Variants in MGMT observed in about 807,000 individuals in gnomAD.
MGMT encodes the protein methylated-DNA--protein-cysteine methyltransferase.
In MGMT, 14 loss-of-function variants were observed where a neutral mutation model predicts 15.9. The observed-to-expected ratio is 0.88, with a 90% CI of 0.58 to 1.37. The LOEUF is 1.37. MGMT is among the 40% of genes most tolerant of loss of function. The pLI is 0.00. For missense variants in MGMT, 282 were observed against 268.1 expected, an observed-to-expected ratio of 1.05 and a Z score of -0.36; for synonymous variants, 130 against 118.2, an observed-to-expected ratio of 1.10 and a Z score of -0.65.
chr10:129,648,612 T>G (rs573067768), intron 2 of MGMT, among the ~76,000 whole-genome samples: 1 of 152,334 alleles, frequency 6.6e-6, no homozygotes, highest in Non-Finnish European at 1.5e-5. Flanking sequence ...TAACATTGAT[T>G]TCTAAAAGAA....
Position 129,533,988 on chromosome 10 carries a change from G to A in MGMT, c.-12-2253G>A, listed in dbSNP as rs139647251. ...GAGGTGAAGGGGGTTGGGCTAAAATGTTGATCATGGTGGGAACAGTAGTGA... is the reference window on the plus strand; with the variant it reads ...GAGGTGAAGGGGGTTGGGCTAAAATATTGATCATGGTGGGAACAGTAGTGA... On this transcript the variant is annotated intron_variant, in intron 1 of 4. Transcript: ENST00000651593. The surrounding 1 kb of genome is among the most constrained non-coding windows in gnomAD (Gnocchi z 4.5). Among the ~76,000 whole-genome samples the A allele has an allele frequency of 1.6e-3, 244 of 152,316 alleles. 1 individual carries two copies. Among genetic ancestry groups the A allele is most frequent in the African/African-American group, 5.5e-3 (230 of 41,578 alleles).
intron 1 of MGMT, among the ~76,000 whole-genome samples, chr10:129,524,070 G>A (rs1845842802): frequency 6.6e-6 from 1 of 152,192 alleles, no homozygotes; most frequent in Non-Finnish European, 1.5e-5. Context: ...TACCTACTGT[G>A]TCCTGATGAC....
chr10:129,717,006 G>A (rs190713360), intron 3 of MGMT, among the ~76,000 whole-genome samples: 5 of 152,322 alleles, frequency 3.3e-5, no homozygotes, highest in Non-Finnish European at 2.9e-5. Context: ...CAGCTGTGCC[G>A]CTCCACTCTC....
At chr10:129,552,054 A>T (rs1173660018) in intron 2 of MGMT, among the ~76,000 whole-genome samples, 1 of 152,228 alleles carries the variant, frequency 6.6e-6, no homozygotes, top group African/African-American at 2.4e-5. Context: ...ACCAAAGGAC[A>T]GCTCTCCTCT....
intron 2 of MGMT, among the ~76,000 whole-genome samples, chr10:129,688,095 C>G (rs1381880144): frequency 6.6e-6 from 1 of 152,166 alleles, no homozygotes; most frequent in African/African-American, 2.4e-5. Context: ...TCCAGTCTAT[C>G]ATGGATGGAC....
chr10:129,527,712 C>T (rs1030175903), intron 1 of MGMT, among the ~76,000 whole-genome samples: 26 of 152,246 alleles, frequency 1.7e-4, no homozygotes, highest in South Asian at 4.2e-4. Context: ...GACGCCTCTC[C>T]CTGTCCCCAC....
intron 4 of MGMT, among the ~76,000 whole-genome samples, chr10:129,766,553 AG>A (rs1307176819): frequency 6.6e-6 from 1 of 152,198 alleles, no homozygotes; most frequent in Non-Finnish European, 1.5e-5. Flanking sequence ...ACGTCACCTC[AG>A]GACACTCGTC....
chr10:129,578,794 C>T (rs1846518646), intron 2 of MGMT, among the ~76,000 whole-genome samples: 1 of 152,128 alleles, frequency 6.6e-6, no homozygotes, highest in African/African-American at 2.4e-5. Flanking sequence ...TTTTTCCTTC[C>T]TTACCGCTAC....
rs375275755 is a variant in MGMT, at chr10:129,655,099, G to T, written c.126-52796G>T. On this transcript the variant is annotated intron_variant, in intron 2 of 4. Coordinates refer to ENST00000651593, the MANE Select transcript of MGMT (RefSeq NM_002412.5). ...ACTACCGAGGTGCTCCTGGTTTAAG[G>T]ACGTTTGTGCACCCACCCGGAGGTA... Among the ~76,000 whole-genome samples, 37 of 152,322 alleles carry T rather than the reference G, an allele frequency of 2.4e-4. 1 individual carries two copies. The highest frequency in any genetic ancestry group is 2.3e-3 in the South Asian group (11 of 4,830).
At chr10:129,607,317 C>T (rs556757851) in intron 2 of MGMT, among the ~76,000 whole-genome samples, 13 of 151,720 alleles carry the variant, frequency 8.6e-5, no homozygotes, top group Non-Finnish European at 1.8e-4. Flanking sequence ...GATGGATTGT[C>T]GGATAACATT....
At chr10:129,472,302 C>T (rs1226671743) in intron 1 of MGMT, among the ~76,000 whole-genome samples, 2 of 151,902 alleles carry the variant, frequency 1.3e-5, no homozygotes, top group Non-Finnish European at 2.9e-5. Context: ...TGGGTGGGGA[C>T]GATTATGCTT....
chr10:129,536,153 T>C, intron 1 of MGMT, 88 bp from the exon 2 acceptor site: 2 of 1,404,280 alleles, frequency 1.4e-6, no homozygotes, highest in Admixed American at 2.2e-5. Context: ...ATATTTTGTG[T>C]CTTAAATAAC....
chr10:129,478,157 A>G (rs1711661), intron 1 of MGMT, among the ~76,000 whole-genome samples: 152,018 of 152,220 alleles, frequency 1, 75,909 homozygotes, highest in Middle Eastern at 1. Flanking sequence ...AGGAGAGACC[A>G]GCTCAAATGC....
chr10:129,715,584 A>G (rs2133149306), intron 3 of MGMT: 1 of 152,362 alleles, frequency 6.6e-6, no homozygotes, highest in East Asian at 1.9e-4. Context: ...GTCGTCATAA[A>G]TGCACATTCA....
chr10:129,589,748 T>G (rs1846660175), intron 2 of MGMT, among the ~76,000 whole-genome samples: 1 of 152,178 alleles, frequency 6.6e-6, no homozygotes, highest in South Asian at 2.1e-4. Context: ...AGTTGCTACT[T>G]ACAAATCCAG....
At chr10:129,577,645 A>G (rs1327522776) in intron 2 of MGMT, among the ~76,000 whole-genome samples, 5 of 152,228 alleles carry the variant, frequency 3.3e-5, no homozygotes, top group Non-Finnish European at 7.3e-5. Context: ...TCATAACCAA[A>G]ACACCAAAAG....
chr10:129,516,767 A>T (rs1164467696), intron 1 of MGMT, among the ~76,000 whole-genome samples: 1 of 151,408 alleles, frequency 6.6e-6, no homozygotes, highest in Non-Finnish European at 1.5e-5. Flanking sequence ...AATGAGATGG[A>T]AGGAGCGGTA....
intron 2 of MGMT, among the ~76,000 whole-genome samples, chr10:129,568,802 C>T (rs547702859): frequency 1.5e-3 from 227 of 152,196 alleles, no homozygotes; most frequent in African/African-American, 5.1e-3. Flanking sequence ...TTCCCTGCCC[C>T]CTCCTGACTG....
intron 3 of MGMT, among the ~76,000 whole-genome samples, chr10:129,743,066 C>T (rs570546367): frequency 1.3e-5 from 2 of 152,344 alleles, no homozygotes; most frequent in African/African-American, 4.8e-5. Flanking sequence ...ACTGTCTTCC[C>T]TAATTTCCCC....
Sources: gnomAD v4.1 joint callset for allele counts (sites outside exome capture counted in the v4.1 genomes callset) on GRCh38, gnomAD v4.1.1 for gene constraint, Gnocchi (gnomAD v3.1) non-coding constraint, MANE v1.5 for transcripts, NCBI Gene and HGNC (gene_info 2026-07-23, HGNC 2026-07-21) for gene names.